The following SLC44A5 variants were observed in gnomAD, a reference collection of about 807,000 sequenced individuals.
The protein encoded by SLC44A5 is choline transporter-like protein 5.
SLC44A5 carries 57 observed loss-of-function variants against 101.8 expected under a neutral mutation model. That is an observed-to-expected ratio of 0.56 (90% CI 0.45 to 0.70). The LOEUF (loss-of-function observed/expected upper bound fraction) is 0.70. Ranked by LOEUF, SLC44A5 falls within the 30% of genes least tolerant of loss-of-function variation. SLC44A5 has a pLI of 0.00. For synonymous variants in SLC44A5, 281 were observed against 290.9 expected, an observed-to-expected ratio of 0.97 and a Z score of 0.35; for missense variants, 737 against 853.1, an observed-to-expected ratio of 0.86 and a Z score of 1.70.
the SLC44A5 span, chr1:75,641,760 C>G: frequency 6.3e-7 from 1 of 1,579,844 alleles, no homozygotes; most frequent in South Asian, 1.1e-5. Context: ...TAGGCAACCA[C>G]TTTGTCCAGT....
At chr1:75,575,787 T>C (rs1673327135) in intron 1 of SLC44A5, among the ~76,000 whole-genome samples, 2 of 152,172 alleles carry the variant, frequency 1.3e-5, no homozygotes, top group South Asian at 4.1e-4. Context: ...AAACAGCTGC[T>C]GTGTGGTGAG....
rs56414212 is a variant in SLC44A5, at chr1:75,276,744, G to C, written c.176-1702C>G. On this transcript the variant is annotated intron_variant, in intron 5 of 23. Transcript: ENST00000370859. Reference sequence around the variant, plus strand: ...TAAGACAAGAGCTTTGATGCAGGTGGTTTATCTGGGAGGTGATTCCAGGAA... The same window carrying C: ...TAAGACAAGAGCTTTGATGCAGGTGCTTTATCTGGGAGGTGATTCCAGGAA... 6.4e-3 allele frequency among the ~76,000 whole-genome samples: 977 copies of C among 152,252 alleles called. 9 individuals carry two copies. The highest frequency in any genetic ancestry group is 0.022 in the African/African-American group (932 of 41,544).
At chr1:75,589,847 C>T (rs980052368) in intron 1 of SLC44A5, among the ~76,000 whole-genome samples, 1 of 152,150 alleles carries the variant, frequency 6.6e-6, no homozygotes, top group African/African-American at 2.4e-5. Flanking sequence ...CTGATGCCCC[C>T]TGCAGAGAGA....
upstream of SLC44A5, among the ~76,000 whole-genome samples, chr1:75,615,414 CTT>C (rs1169745494): frequency 2.8e-5 from 2 of 70,968 alleles, no homozygotes; most frequent in Non-Finnish European, 5.5e-5. Context: ...CTCTCTCTCT[CTT>C]ACACACACAC....
the SLC44A5 span, among the ~76,000 whole-genome samples, chr1:75,645,037 T>C: frequency 6.6e-6 from 1 of 152,148 alleles, no homozygotes; most frequent in Non-Finnish European, 1.5e-5. Flanking sequence ...TGTTGGACAT[T>C]TGGGTTGGTT....
chr1:75,212,988 C>T lies in SLC44A5; in HGVS notation c.1962+717G>A, dbSNP rs943633320. On this transcript the variant is annotated intron_variant, in intron 22 of 23. Transcript: ENST00000370859. The stretch of plus-strand genomic sequence containing the variant: ...GGGAATTGCCTCACCCAAAGTTATA[C>T]CCTCGTGCAGGGGTCAGTTCATGAC... 1.8e-4 allele frequency among the ~76,000 whole-genome samples: 27 copies of T among 152,142 alleles called. 1 individual carries two copies. Among genetic ancestry groups the T allele is most frequent in the African/African-American group, 6.3e-4 (26 of 41,424 alleles).
intron 13 of SLC44A5, among the ~76,000 whole-genome samples, chr1:75,223,358 T>A (rs545013775): frequency 1.3e-5 from 2 of 152,314 alleles, no homozygotes; most frequent in South Asian, 4.1e-4. Flanking sequence ...TAGTTTTTTT[T>A]AAACTTGAAG....
At chr1:75,508,372 A>G (rs1669384516) in intron 2 of SLC44A5, among the ~76,000 whole-genome samples, 2 of 152,312 alleles carry the variant, frequency 1.3e-5, no homozygotes, top group East Asian at 1.9e-4. Flanking sequence ...AGGAAAGCTT[A>G]TCACACTAAA....
At chr1:75,215,287 T>C (rs1557530551) in intron 19 of SLC44A5, among the ~76,000 whole-genome samples, 1 of 152,260 alleles carries the variant, frequency 6.6e-6, no homozygotes, top group East Asian at 1.9e-4. Flanking sequence ...GGAATTTCCA[T>C]ATAGCCATAG....
chr1:75,718,947 A>G, the SLC44A5 span, among the ~76,000 whole-genome samples: 2 of 152,196 alleles, frequency 1.3e-5, no homozygotes, highest in African/African-American at 4.8e-5. Flanking sequence ...TTATGGCAAT[A>G]TAGTTATGTA....
At chr1:75,626,852 A>G in the SLC44A5 span, among the ~76,000 whole-genome samples, 3 of 152,078 alleles carry the variant, frequency 2.0e-5, no homozygotes, top group Non-Finnish European at 2.9e-5. Flanking sequence ...CTGTTCTTAA[A>G]GCTTTTATAG....
chr1:75,230,607 T>C (rs1409779424), intron 12 of SLC44A5, among the ~76,000 whole-genome samples: 1 of 151,798 alleles, frequency 6.6e-6, no homozygotes, highest in East Asian at 1.9e-4. Context: ...GTTCTATATC[T>C]TTCTTTCTTG....
At chr1:75,301,992 A>G (rs1230677131) in intron 4 of SLC44A5, among the ~76,000 whole-genome samples, 5 of 152,102 alleles carry the variant, frequency 3.3e-5, no homozygotes, top group Admixed American at 3.3e-4. Flanking sequence ...TGGTGGGCAA[A>G]CCAGCAACAA....
intron 6 of SLC44A5, among the ~76,000 whole-genome samples, chr1:75,263,374 G>GA (rs1650701309): frequency 6.6e-6 from 1 of 151,988 alleles, no homozygotes; most frequent in Non-Finnish European, 1.5e-5. Flanking sequence ...ACAAACATAT[G>GA]AAAAAAAGCT....
At chr1:75,225,081 C>A (rs1233639782) in intron 13 of SLC44A5, among the ~76,000 whole-genome samples, 1 of 152,188 alleles carries the variant, frequency 6.6e-6, no homozygotes, top group African/African-American at 2.4e-5. Context: ...TACTGACACC[C>A]AGAACAACTT....
intron 3 of SLC44A5, among the ~76,000 whole-genome samples, chr1:75,375,768 A>C (rs1001064460): frequency 6.6e-6 from 1 of 152,240 alleles, no homozygotes; most frequent in Admixed American, 6.5e-5. Context: ...TAACAGAAGG[A>C]GAAAGACAAT....
At chr1:75,552,572 T>A (rs554471380) in intron 1 of SLC44A5, among the ~76,000 whole-genome samples, 43 of 151,950 alleles carry the variant, frequency 2.8e-4, no homozygotes, top group African/African-American at 1.0e-3. Flanking sequence ...AATGAATGTA[T>A]CTATCGATTG....
At chr1:75,628,625 A>G in the SLC44A5 span, among the ~76,000 whole-genome samples, 1 of 152,222 alleles carries the variant, frequency 6.6e-6, no homozygotes, top group Non-Finnish European at 1.5e-5. Context: ...AATGGGAAAA[A>G]CTAAAGCAGC....
chr1:75,484,604 G>T (rs146216669), intron 2 of SLC44A5, among the ~76,000 whole-genome samples: 1 of 152,148 alleles, frequency 6.6e-6, no homozygotes. Context: ...ACCATTCTAG[G>T]GTCTGGAGGA....
Sources: allele counts gnomAD v4.1 joint callset (sites outside exome capture counted in the v4.1 genomes callset), GRCh38; gene constraint gnomAD v4.1.1; transcripts MANE v1.5; gene names NCBI Gene and HGNC (gene_info 2026-07-23, HGNC 2026-07-21).